INTS9: variants seen among roughly 807,000 people sequenced by gnomAD.
The protein encoded by INTS9 is protein related to CPSF subunits of 74 kDa.
INTS9 carries 55 observed loss-of-function variants against 79.7 expected under a neutral mutation model. The observed-to-expected ratio is 0.69, with a 90% CI of 0.56 to 0.86. The LOEUF (loss-of-function observed/expected upper bound fraction) is 0.86, where lower values mean the gene tolerates loss of function less well. Among genes scored for constraint, INTS9 ranks in the 40% least tolerant of loss-of-function variants. The pLI is 0.00. For synonymous variants in INTS9, 319 were observed against 325.2 expected (o/e 0.98, Z 0.20); for missense variants, 721 against 831.5 (o/e 0.87, Z 1.64).
chr8:28,861,214 T>C (rs994581875), intron 1 of INTS9, among the ~76,000 whole-genome samples: 4 of 152,252 alleles, frequency 2.6e-5, no homozygotes, highest in Admixed American at 1.3e-4. Context: ...CCTTCTTTGA[T>C]AGGTATCAGG....
chr8:28,834,588 C>T (rs1387199642), intron 6 of INTS9, among the ~76,000 whole-genome samples: 3 of 152,092 alleles, frequency 2.0e-5, no homozygotes, highest in Non-Finnish European at 2.9e-5. Context: ...CCCATCTTAA[C>T]TGTCATCTCC....
chr8:28,842,988 C>T (rs78960082), intron 4 of INTS9, among the ~76,000 whole-genome samples: 1,752 of 152,218 alleles, frequency 0.012, 39 homozygotes, highest in African/African-American at 0.04. Flanking sequence ...TGGCATTAGA[C>T]CACTCTGACA....
At chr8:28,852,799 G>A (rs563175008) in intron 2 of INTS9, among the ~76,000 whole-genome samples, 2 of 152,310 alleles carry the variant, frequency 1.3e-5, no homozygotes, top group East Asian at 3.9e-4. Context: ...ATAACATCAA[G>A]GCCACCTATT....
At chr8:28,795,003 A>G (rs1224904216) in intron 9 of INTS9, among the ~76,000 whole-genome samples, 2 of 152,262 alleles carry the variant, frequency 1.3e-5, no homozygotes, top group Non-Finnish European at 2.9e-5. Flanking sequence ...CTAAGGTACA[A>G]ATAAATTACC....
intron 6 of INTS9, among the ~76,000 whole-genome samples, chr8:28,816,488 A>C (rs893925159): frequency 4.1e-4 from 62 of 150,928 alleles, no homozygotes; most frequent in African/African-American, 1.5e-3. Flanking sequence ...TGAACTCATC[A>C]TTTTTTATGG....
intron 11 of INTS9, among the ~76,000 whole-genome samples, chr8:28,784,256 G>C (rs1234116199): frequency 6.6e-6 from 1 of 152,228 alleles, no homozygotes; most frequent in Non-Finnish European, 1.5e-5. Flanking sequence ...GGTCATTTGT[G>C]ACAGGTGTGT....
intron 11 of INTS9, among the ~76,000 whole-genome samples, chr8:28,783,236 G>A (rs931555112): frequency 1.3e-4 from 20 of 151,124 alleles, no homozygotes; most frequent in African/African-American, 4.2e-4. Context: ...AGTCTCCCCT[G>A]CAGCATAACA....
rs561232844 is a variant in INTS9 at position 28,879,931 on chromosome 8, G to T, written c.9+9943C>A. Among the ~76,000 whole-genome samples the T allele has an allele frequency of 1.1e-3, 174 of 152,094 alleles. 2 individuals are homozygous for T. The highest frequency in any genetic ancestry group is 3.9e-3 in the African/African-American group (162 of 41,486). On this transcript the variant is annotated intron_variant, in intron 1 of 16. Coordinates refer to ENST00000521022, the MANE Select transcript of INTS9 (RefSeq NM_018250.4). ...GTAACGGAGATCTTTTTGGAGTAAT[G>T]GAAATGCGCTAAATCTGGATCGTGG...
intron 3 of INTS9, among the ~76,000 whole-genome samples, chr8:28,847,454 TCCA>T (rs559854008): frequency 6.0e-5 from 9 of 150,524 alleles, no homozygotes; most frequent in South Asian, 2.1e-4. Context: ...CACCACTACC[TCCA>T]CCACCACCAC....
intron 1 of INTS9, among the ~76,000 whole-genome samples, chr8:28,880,357 T>TG (rs1488018699): frequency 1.3e-5 from 2 of 150,430 alleles, no homozygotes; most frequent in Non-Finnish European, 3.0e-5. Context: ...GCAACCTCCC[T>TG]GCCTGATTCT....
At chr8:28,793,658 T>C in intron 10 of INTS9, 149 bp downstream of exon 10, 9 of 765,392 alleles carry the variant, frequency 1.2e-5, no homozygotes, top group Non-Finnish European at 1.8e-5. Context: ...GATTTGGCTT[T>C]TAATAATGCA....
Position 28,793,784 on chromosome 8 carries a change from A to C in INTS9, c.1037+23T>G, listed in dbSNP as rs748252182. 3,108 of 1,372,486 alleles carry C rather than the reference A, an allele frequency of 2.3e-3. 3 individuals carry two copies. Among genetic ancestry groups the C allele is most frequent in the South Asian group, 5.3e-3 (356 of 67,130 alleles). 85.0% of individuals were successfully genotyped at this position (1,372,486 alleles called of 1,614,324 possible). On this transcript the variant is annotated intron_variant, in intron 10 of 16. Coordinates refer to ENST00000521022, the MANE Select transcript of INTS9 (RefSeq NM_018250.4). ...CCTGAATCAAATAAAATTCACAAAA[A>C]AAAAAAAAAACCACGGACATACCAC...
intron 6 of INTS9, among the ~76,000 whole-genome samples, chr8:28,833,235 A>G (rs953821045): frequency 6.6e-6 from 1 of 152,224 alleles, no homozygotes; most frequent in African/African-American, 2.4e-5. Flanking sequence ...GCAGATGACT[A>G]CAAATCACTG....
intron 6 of INTS9, among the ~76,000 whole-genome samples, chr8:28,816,435 T>A (rs1262685362): frequency 2.0e-5 from 3 of 151,518 alleles, no homozygotes; most frequent in Admixed American, 1.3e-4. Context: ...TAGTTTACTG[T>A]GAATGATGAT....
At chr8:28,822,973 G>T (rs1239535050) in intron 6 of INTS9, among the ~76,000 whole-genome samples, 2 of 152,148 alleles carry the variant, frequency 1.3e-5, no homozygotes, top group Non-Finnish European at 2.9e-5. Flanking sequence ...CAAGAAAAAG[G>T]AAGATCCAGA....
chr8:28,817,005 G>GT (rs1229827926), intron 6 of INTS9, among the ~76,000 whole-genome samples: 4 of 148,430 alleles, frequency 2.7e-5, no homozygotes, highest in Non-Finnish European at 4.5e-5. Flanking sequence ...GGGGTTGTTT[G>GT]TTTTTTTCTT....
At chr8:28,787,419 TGCATGAA>T (rs1471820197) in intron 11 of INTS9, among the ~76,000 whole-genome samples, 1 of 152,212 alleles carries the variant, frequency 6.6e-6, no homozygotes, top group African/African-American at 2.4e-5. Flanking sequence ...GGCTATGAAT[TGCATGAA>T]CATGGTACAG....
intron 1 of INTS9, among the ~76,000 whole-genome samples, chr8:28,881,101 A>C (rs1327379075): frequency 6.8e-6 from 1 of 147,954 alleles, no homozygotes; most frequent in Non-Finnish European, 1.5e-5. Flanking sequence ...TCCGCCCGGC[A>C]GCCACCCCGT....
rs1802992657 is a variant in INTS9 at position 28,777,928 on chromosome 8, G to C, written c.1296C>G (p.Ala432=). The change falls in exon 13 of 17, where the codon GCC becomes GCG. Residue 432 remains alanine (A), a synonymous_variant. Transcript: ENST00000521022. ...FTEPDFSYLE[A]LAPYQPLAMK... ...TGGCCAGCGGCTGGTAAGGAGCCAG[G>C]GCTTCCAGGTAGGAGAAGTCTGGTT... is the stretch of plus-strand genomic sequence containing the variant. 6.2e-7 allele frequency: 1 copy of C among 1,611,742 alleles called. No homozygotes were observed. The highest frequency in any genetic ancestry group is 8.5e-7 in the Non-Finnish European group (1 of 1,178,948).
Sources: allele counts gnomAD v4.1 joint callset (sites outside exome capture counted in the v4.1 genomes callset), GRCh38; gene constraint gnomAD v4.1.1; transcripts MANE v1.5; gene names NCBI Gene and HGNC (gene_info 2026-07-23, HGNC 2026-07-21).